Variants in FHAD1 observed in about 807,000 individuals in gnomAD.
FHAD1 encodes forkhead associated phosphopeptide binding domain 1, also known as forkhead-associated domain-containing protein 1.
A neutral mutation model predicts 191.3 loss-of-function variants in FHAD1; 146 were observed. That is an observed-to-expected ratio of 0.76 (90% CI 0.67 to 0.88). The LOEUF (loss-of-function observed/expected upper bound fraction) is 0.88, where lower values mean the gene tolerates loss of function less well. FHAD1 is among the 40% of genes least tolerant of loss of function. The pLI is 0.00. For synonymous variants in FHAD1, 616 were observed against 672.3 expected (o/e 0.92, Z 1.29); for missense variants, 1,635 against 1,785.8 (o/e 0.92, Z 1.52).
intron 10 of FHAD1, among the ~76,000 whole-genome samples, chr1:15,320,575 G>A (rs972481632): frequency 1.3e-4 from 19 of 151,998 alleles, no homozygotes; most frequent in South Asian, 2.1e-4. Flanking sequence ...ACTTCCTATC[G>A]AATCAAATCT....
At chr1:15,309,739 C>CCTT (rs1026097093) in intron 7 of FHAD1, among the ~76,000 whole-genome samples, 1 of 152,012 alleles carries the variant, frequency 6.6e-6, no homozygotes, top group Non-Finnish European at 1.5e-5. Context: ...GGCCCAAGAC[C>CCTT]CTTCTTCTTC....
intron 14 of FHAD1, among the ~76,000 whole-genome samples, chr1:15,335,022 C>G (rs1683421953): frequency 6.6e-6 from 1 of 152,210 alleles, no homozygotes; most frequent in Non-Finnish European, 1.5e-5. Flanking sequence ...AGAACATCCT[C>G]CTAAGAGATA....
In FHAD1 at chr1:15,336,202, C is replaced by T. The variant is rs893300564; in HGVS notation, c.1907-3279C>T. On this transcript the variant is annotated intron_variant, in intron 14 of 33. Transcript: ENST00000688493. Reference sequence around the variant, plus strand: ...TAGCTTAACCTTGGGGAGCTTCTGTCGTTTCACCTATAAATATGAACATAC... The same window carrying T: ...TAGCTTAACCTTGGGGAGCTTCTGTTGTTTCACCTATAAATATGAACATAC... Among the ~76,000 whole-genome samples the T allele has an allele frequency of 7.2e-5, 11 of 152,302 alleles. No homozygotes were observed. The South Asian group carries it at 1.2e-3, about 17-fold the overall frequency.
chr1:15,352,047 C>T (rs755328543), intron 19 of FHAD1, among the ~76,000 whole-genome samples: 3 of 152,038 alleles, frequency 2.0e-5, no homozygotes, highest in Non-Finnish European at 4.4e-5. Flanking sequence ...AATACCTGTG[C>T]ATTAAAGAAA....
intron 33 of FHAD1, among the ~76,000 whole-genome samples, chr1:15,392,525 C>T (rs921708445): frequency 2.0e-5 from 3 of 150,974 alleles, no homozygotes; most frequent in African/African-American, 7.4e-5. Flanking sequence ...AGCGAGACTC[C>T]GTCTCGAAAA....
chr1:15,395,171 G>A (rs1184476982), intron 33 of FHAD1, among the ~76,000 whole-genome samples: 1 of 151,912 alleles, frequency 6.6e-6, no homozygotes, highest in East Asian at 1.9e-4. Flanking sequence ...AAAATTAGCC[G>A]GGCATGCTGG....
intron 2 of FHAD1, among the ~76,000 whole-genome samples, chr1:15,270,157 C>T (rs950409920): frequency 1.3e-5 from 2 of 152,038 alleles, no homozygotes; most frequent in African/African-American, 2.4e-5. Flanking sequence ...GGGATCTGCC[C>T]GCCCTGGCCT....
intron 1 of FHAD1, among the ~76,000 whole-genome samples, chr1:15,249,005 C>T (rs1485114177): frequency 6.6e-6 from 1 of 152,184 alleles, no homozygotes; most frequent in African/African-American, 2.4e-5. Context: ...CAAAATCTGT[C>T]AGTGTCTTTG....
At position 15,381,316 on chromosome 1, in the gene FHAD1, A is replaced by G. The variant is rs555980613; in HGVS notation, c.3887A>G (p.Gln1296Arg). 5.2e-6 allele frequency: 8 copies of G among 1,551,028 alleles called. No homozygotes were observed. The highest frequency in any genetic ancestry group is 4.1e-5 in the African/African-American group (3 of 73,142). The change falls in exon 30 of 34, where the codon CAG becomes CGG. Residue 1296 changes from glutamine to arginine, a missense_variant. By Grantham distance (43) the Gln-to-Arg change is conservative. Coordinates refer to ENST00000688493, the MANE Select transcript of FHAD1 (RefSeq NM_001391957.1). This position sits in a 1 kb window ranked among gnomAD's most constrained non-coding sequence, Gnocchi z 4.6. ...GHVSMKYLSR[Q>R]EREKVNQLRQ... ...GTGTCCATGAAATACCTCTCCCGCC[A>G]GGAGAGGGAGAAGGTCAACCAGCTT...
intron 14 of FHAD1, among the ~76,000 whole-genome samples, chr1:15,332,689 A>G (rs2101928960): frequency 6.6e-6 from 1 of 152,362 alleles, no homozygotes; most frequent in South Asian, 2.1e-4. Flanking sequence ...ACTGCACTGC[A>G]GCCTGTGTGA....
At chr1:15,344,548 G>A (rs945094606) in intron 16 of FHAD1, among the ~76,000 whole-genome samples, 8 of 152,190 alleles carry the variant, frequency 5.3e-5, no homozygotes, top group African/African-American at 1.9e-4. Context: ...AGCAAGCACA[G>A]TGTTCCAATA....
intron 4 of FHAD1, among the ~76,000 whole-genome samples, chr1:15,293,584 G>A (rs1553249506): frequency 1.3e-5 from 2 of 152,240 alleles, no homozygotes; most frequent in Non-Finnish European, 1.5e-5. Flanking sequence ...TGGGTGTGGT[G>A]GCACGCACCT....
At chr1:15,310,789 A>G (rs1436111589) in intron 7 of FHAD1, among the ~76,000 whole-genome samples, 2 of 152,172 alleles carry the variant, frequency 1.3e-5, no homozygotes, top group Non-Finnish European at 2.9e-5. Context: ...AGACAGGTTC[A>G]GCTCCTGCTT....
At chr1:15,248,614 C>A (rs2100717283) in intron 1 of FHAD1, among the ~76,000 whole-genome samples, 2 of 149,884 alleles carry the variant, frequency 1.3e-5, no homozygotes, top group East Asian at 3.9e-4. Flanking sequence ...CAGAGTCTTG[C>A]TCTGTCTCCC....
At chr1:15,331,741 A>T (rs999864760) in intron 14 of FHAD1, among the ~76,000 whole-genome samples, 1 of 151,266 alleles carries the variant, frequency 6.6e-6, no homozygotes, top group African/African-American at 2.4e-5. Flanking sequence ...GAAGGCAGGC[A>T]AGCAGGCAAG....
intron 16 of FHAD1, among the ~76,000 whole-genome samples, chr1:15,343,161 A>G (rs1687420757): frequency 6.6e-6 from 1 of 152,054 alleles, no homozygotes; most frequent in Non-Finnish European, 1.5e-5. Flanking sequence ...GACTTTTGTC[A>G]TTTAGGAGAT....
At chr1:15,313,363 T>G (rs1436166073) in intron 8 of FHAD1, among the ~76,000 whole-genome samples, 176 bp downstream of exon 8, 1 of 152,078 alleles carries the variant, frequency 6.6e-6, no homozygotes, top group Non-Finnish European at 1.5e-5. Flanking sequence ...GGGCAAAACA[T>G]GAAATGCCTA....
intron 7 of FHAD1, among the ~76,000 whole-genome samples, chr1:15,310,333 T>C (rs1397892596): frequency 1.3e-5 from 2 of 152,180 alleles, no homozygotes; most frequent in Non-Finnish European, 2.9e-5. Context: ...TCCAGGCTTC[T>C]ACCTCTGTTC....
At chr1:15,281,760 CAAAAAAA>C (rs35950054) in intron 3 of FHAD1, among the ~76,000 whole-genome samples, 2 of 64,422 alleles carry the variant, frequency 3.1e-5, no homozygotes, top group East Asian at 1.2e-3. Context: ...GACACTGTCT[CAAAAAAA>C]AAAAAAAAAA....
Sources: gnomAD v4.1 joint callset for allele counts (sites outside exome capture counted in the v4.1 genomes callset) on GRCh38, gnomAD v4.1.1 for gene constraint, Gnocchi (gnomAD v3.1) non-coding constraint, MANE v1.5 for transcripts, NCBI Gene and HGNC (gene_info 2026-07-23, HGNC 2026-07-21) for gene names.